Variants in COL5A2 observed in about 807,000 individuals in gnomAD.
COL5A2 encodes collagen type V alpha 2 chain, also known as collagen alpha-2(V) chain.
A neutral mutation model predicts 208.2 loss-of-function variants in COL5A2; 23 were observed. The observed-to-expected ratio is 0.11, with a 90% CI of 0.08 to 0.16. The LOEUF (loss-of-function observed/expected upper bound fraction) is 0.16. Among genes scored for constraint, COL5A2 ranks in the 10% least tolerant of loss-of-function variants. COL5A2 has a pLI of 1.00. For synonymous variants in COL5A2, 625 were observed against 628.5 expected, an observed-to-expected ratio of 0.99 and a Z score of 0.08; for missense variants, 1,590 against 1,956.4, an observed-to-expected ratio of 0.81 and a Z score of 3.53.
intron 1 of COL5A2, among the ~76,000 whole-genome samples, chr2:189,210,950 G>T (rs1008743974): frequency 6.6e-6 from 1 of 152,070 alleles, no homozygotes; most frequent in Non-Finnish European, 1.5e-5. Flanking sequence ...ATTTCCCCAG[G>T]ATTTTTTTTT....
the COL5A2 span, among the ~76,000 whole-genome samples, chr2:189,274,722 A>G: frequency 6.6e-6 from 1 of 152,174 alleles, no homozygotes; most frequent in South Asian, 2.1e-4. Context: ...TATCAAAAAG[A>G]GAATTACCAT....
At chr2:189,157,162 CATAT>C (rs1187823005) in intron 1 of COL5A2, among the ~76,000 whole-genome samples, 1 of 140,776 alleles carries the variant, frequency 7.1e-6, no homozygotes, top group African/African-American at 3.1e-5. Context: ...ATGTGCTAAG[CATAT>C]ATATATCTAT....
the COL5A2 span, among the ~76,000 whole-genome samples, chr2:189,333,271 C>T: frequency 6.6e-4 from 100 of 152,192 alleles, 2 homozygotes; most frequent in East Asian, 0.015. Context: ...AGTCAAAAGA[C>T]CATCCTTTTT....
At chr2:189,064,943 A>C in intron 24 of COL5A2, 61 bp downstream of exon 24, 6 of 1,532,194 alleles carry the variant, frequency 3.9e-6, no homozygotes, top group Non-Finnish European at 4.5e-6. Flanking sequence ...CACCGTGCTG[A>C]AAAATGGCAT....
intron 17 of COL5A2, among the ~76,000 whole-genome samples, chr2:189,074,604 G>A (rs1399554879): frequency 1.3e-5 from 2 of 152,088 alleles, no homozygotes; most frequent in African/African-American, 2.4e-5. Context: ...ATCTAATCAC[G>A]AAATTGAATT....
Position 189,042,735 on chromosome 2 carries a change from T to C in COL5A2, c.3510A>G (p.Gly1170=). The C allele has an allele frequency of 6.2e-7, 1 of 1,607,814 alleles. No homozygotes were observed. Among genetic ancestry groups the C allele is most frequent in the Non-Finnish European group, 8.5e-7 (1 of 1,176,396 alleles). ...TGTTACTTACTCTTGGGCCAAATGG[T>C]CCAGGGATTCCAGCACTTCCTTGTT... ...NGEQGSAGIP[G]PFGPRGPPGP... is the part of the protein sequence containing the mutation. Residue 1170 remains glycine (G), a synonymous_variant, in exon 49 of 54, where the codon GGA becomes GGG. Coordinates refer to ENST00000374866, the MANE Select transcript of COL5A2 (RefSeq NM_000393.5).
At chr2:189,052,638 G>A in intron 40 of COL5A2, 111 bp downstream of exon 40, 1 of 1,041,176 alleles carries the variant, frequency 9.6e-7, no homozygotes, top group South Asian at 1.3e-5. Context: ...GTTGATACAG[G>A]TAATAATTTG....
the COL5A2 span, among the ~76,000 whole-genome samples, chr2:189,316,373 C>T: frequency 4.2e-3 from 645 of 152,190 alleles, 5 homozygotes; most frequent in African/African-American, 0.015. Context: ...AAACCAAACA[C>T]CACATGTTCT....
At chr2:189,390,269 C>A in the COL5A2 span, among the ~76,000 whole-genome samples, 1 of 152,088 alleles carries the variant, frequency 6.6e-6, no homozygotes, top group Non-Finnish European at 1.5e-5. Context: ...GTCCTTCCAG[C>A]AAAGATATAC....
Position 189,066,732 on chromosome 2 carries a change from T to C in COL5A2, c.1452A>G (p.Glu484=), listed in dbSNP as rs1323875724. ...CATTAAAACAATGAAACCTTACTGG[T>C]TCCCCTTTTGGGCCAGCTTCTCCTT... ...GFKGEAGPKG[E]PGPHGIQGPI... Residue 484 remains glutamate (E), a synonymous_variant, in exon 22 of 54, where the codon GAA becomes GAG. Transcript: ENST00000374866. 29 of 1,612,646 alleles carry C rather than the reference T, an allele frequency of 1.8e-5. No homozygotes were observed. The highest frequency in any genetic ancestry group is 2.5e-5 in the Non-Finnish European group (29 of 1,178,658).
chr2:189,083,922 T>G (rs1172205433), intron 12 of COL5A2, 62 bp downstream of exon 12: 23 of 1,219,304 alleles, frequency 1.9e-5, no homozygotes, highest in Non-Finnish European at 2.7e-5. Context: ...TACAGAGAAT[T>G]GTGATTTAAT....
rs767144730 is a variant in COL5A2 at position 189,039,429 on chromosome 2, C to T, written c.3768G>A (p.Ala1256=). 1.5e-5 allele frequency: 24 copies of T among 1,613,988 alleles called. No individual in the cohort carries two copies. The East Asian group carries it at 1.8e-4, about 12-fold the overall frequency. Residue 1256 remains alanine, a synonymous_variant, in exon 51 of 54, where the codon GCG becomes GCA. Coordinates refer to ENST00000374866, the MANE Select transcript of COL5A2 (RefSeq NM_000393.5). ...DPLPEFTEDQ[A]APDDKNKTDP... ...CCGTTTTGTTTTTGTCATCAGGAGC[C>T]GCCTGATCTTCAGTAAACTCAGGAA...
the COL5A2 span, among the ~76,000 whole-genome samples, chr2:189,345,815 T>TC: frequency 6.6e-6 from 1 of 152,100 alleles, no homozygotes; most frequent in Admixed American, 6.6e-5. Flanking sequence ...ATGCAAGCAC[T>TC]CCCATGAATA....
At chr2:189,122,470 G>A (rs1281560770) in intron 1 of COL5A2, among the ~76,000 whole-genome samples, 1 of 152,108 alleles carries the variant, frequency 6.6e-6, no homozygotes, top group African/African-American at 2.4e-5. Context: ...TCAAAAAAAG[G>A]AGGTGATGAG....
intron 9 of COL5A2, 50 bp downstream of exon 9, chr2:189,086,676 G>C: frequency 7.3e-7 from 1 of 1,370,294 alleles, no homozygotes. Flanking sequence ...TAATATATGT[G>C]TGTGTGTATG....
At chr2:189,125,212 C>A (rs183073034) in intron 1 of COL5A2, among the ~76,000 whole-genome samples, 1 of 152,248 alleles carries the variant, frequency 6.6e-6, no homozygotes, top group Admixed American at 6.5e-5. Context: ...ATAGAAACTT[C>A]TCTGATGTTG....
At chr2:189,049,044 C>T (rs1466580749) in intron 44 of COL5A2, among the ~76,000 whole-genome samples, 2 of 31,982 alleles carry the variant, frequency 6.3e-5, no homozygotes, top group African/African-American at 1.2e-4. Context: ...GAAATAATAA[C>T]AAGGGAAAGA....
chr2:189,299,951 C>G, the COL5A2 span, among the ~76,000 whole-genome samples: 1 of 152,278 alleles, frequency 6.6e-6, no homozygotes, highest in African/African-American at 2.4e-5. Flanking sequence ...AGGATGCCCT[C>G]TATGGCCTTT....
At chr2:189,177,083 C>A (rs1688691523) in intron 1 of COL5A2, among the ~76,000 whole-genome samples, 2 of 152,128 alleles carry the variant, frequency 1.3e-5, no homozygotes. Flanking sequence ...GGGAAATATA[C>A]CCTGAAGTCA....
Sources: gnomAD v4.1 joint callset for allele counts (sites outside exome capture counted in the v4.1 genomes callset) on GRCh38, gnomAD v4.1.1 for gene constraint, MANE v1.5 for transcripts, NCBI Gene and HGNC (gene_info 2026-07-23, HGNC 2026-07-21) for gene names.